The following PRIM2 variants were observed in gnomAD, a reference collection of about 807,000 sequenced individuals.
PRIM2 encodes the protein DNA primase large subunit.
Under a neutral mutation model 67.3 loss-of-function variants are expected in PRIM2, and 39 were observed. The ratio of observed to expected loss-of-function variants is 0.58; its 90% CI spans 0.45 to 0.76. The LOEUF (loss-of-function observed/expected upper bound fraction) is 0.76. PRIM2 is among the 30% of genes least tolerant of loss of function. PRIM2 has a pLI of 0.00. For missense variants in PRIM2, 398 were observed against 598.7 expected (o/e 0.66, Z 3.50); for synonymous variants, 143 against 198.7 (o/e 0.72, Z 2.36).
intron 10 of PRIM2, among the ~76,000 whole-genome samples, chr6:57,558,310 A>AT (rs1775558293): frequency 6.6e-6 from 1 of 152,222 alleles, no homozygotes; most frequent in South Asian, 2.1e-4. Flanking sequence ...TAGGAGGACA[A>AT]GCTCAAGAGT....
chr6:57,527,424 T>C (rs1407368425), intron 8 of PRIM2, among the ~76,000 whole-genome samples: 1 of 152,198 alleles, frequency 6.6e-6, no homozygotes, highest in African/African-American at 2.4e-5. Flanking sequence ...TCCATTCTTT[T>C]CCAGAAAATT....
intron 7 of PRIM2, among the ~76,000 whole-genome samples, chr6:57,480,885 C>T (rs1581944508): frequency 2.6e-5 from 4 of 152,184 alleles, no homozygotes; most frequent in East Asian, 3.8e-4. Context: ...CTCTGCCTCC[C>T]GAAGTGCTGA....
At chr6:57,335,534 C>T (rs978378786) in intron 5 of PRIM2, among the ~76,000 whole-genome samples, 1 of 152,214 alleles carries the variant, frequency 6.6e-6, no homozygotes, top group Non-Finnish European at 1.5e-5. Flanking sequence ...CAGACTGCCT[C>T]CTCAAGTGGG....
At chr6:57,501,429 A>G (rs1390704197) in intron 7 of PRIM2, among the ~76,000 whole-genome samples, 1 of 151,998 alleles carries the variant, frequency 6.6e-6, no homozygotes, top group Non-Finnish European at 1.5e-5. Context: ...CCTCCTGAGT[A>G]GCTGGGATTA....
At chr6:57,619,556 A>G (rs1182740038) in intron 12 of PRIM2, among the ~76,000 whole-genome samples, 1 of 152,182 alleles carries the variant, frequency 6.6e-6, no homozygotes, top group Admixed American at 6.5e-5. Context: ...AATGAAATAG[A>G]TAGCTAAAAG....
chr6:57,241,556 T>C, the PRIM2 span, among the ~76,000 whole-genome samples: 1 of 150,364 alleles, frequency 6.7e-6, no homozygotes, highest in South Asian at 2.1e-4. Context: ...TTAGCAAGGA[T>C]AGAAATGGCT....
chr6:57,369,573 G>C (rs6915309), intron 5 of PRIM2, among the ~76,000 whole-genome samples: 1 of 152,202 alleles, frequency 6.6e-6, no homozygotes, highest in Admixed American at 6.5e-5. Flanking sequence ...CAGAGTCTCT[G>C]TTGATTGGAC....
intron 12 of PRIM2, among the ~76,000 whole-genome samples, chr6:57,610,101 C>G (rs1284005457): frequency 2.6e-5 from 4 of 152,132 alleles, no homozygotes; most frequent in Admixed American, 6.5e-5. Flanking sequence ...CAGAGTCTTG[C>G]TCTGTCTTCC....
intron 10 of PRIM2, among the ~76,000 whole-genome samples, chr6:57,593,402 A>C (rs1225443230): frequency 6.6e-6 from 1 of 151,910 alleles, no homozygotes; most frequent in Non-Finnish European, 1.5e-5. Flanking sequence ...TCCCGGGTTC[A>C]AGTGACTCTC....
Position 57,484,118 on chromosome 6 carries a change from G to T in PRIM2, c.694-23269G>T, listed in dbSNP as rs1383643704. On this transcript the variant is annotated intron_variant, in intron 7 of 13. Coordinates refer to ENST00000615550, the MANE Select transcript of PRIM2 (RefSeq NM_000947.5). ...ATTTCTATGGGATTTTGGTTACTATGTATAGCTAAAATTTATTTACTTTAT... is the reference window on the plus strand; with the variant it reads ...ATTTCTATGGGATTTTGGTTACTATTTATAGCTAAAATTTATTTACTTTAT... Among the ~76,000 whole-genome samples the T allele has an allele frequency of 1.2e-3, 189 of 152,294 alleles. 5 individuals are homozygous for T. The East Asian group carries it at 0.016, about 13-fold the overall frequency.
intron 9 of PRIM2, among the ~76,000 whole-genome samples, chr6:57,536,982 T>A (rs1775014883): frequency 6.6e-6 from 1 of 152,170 alleles, no homozygotes; most frequent in African/African-American, 2.4e-5. Flanking sequence ...AGTAAGTGCA[T>A]GAGTACAACT....
At chr6:57,606,542 C>G (rs1776566077) in intron 12 of PRIM2, 85 bp downstream of exon 12, 5 of 1,018,232 alleles carry the variant, frequency 4.9e-6, no homozygotes, top group Admixed American at 4.0e-5. Context: ...TGCAGTGATG[C>G]TGTGTACTAC....
At chr6:57,326,172 C>A in intron 5 of PRIM2, 127 bp downstream of exon 5, 2 of 1,015,912 alleles carry the variant, frequency 2.0e-6, no homozygotes, top group Non-Finnish European at 2.8e-6. Context: ...GAAACAGTAG[C>A]TAATAGCTTT....
At chr6:57,340,615 C>A (rs1006910739) in intron 5 of PRIM2, among the ~76,000 whole-genome samples, 61 of 152,046 alleles carry the variant, frequency 4.0e-4, no homozygotes, top group Non-Finnish European at 7.8e-4. Context: ...AACAAAAAAC[C>A]AAACACCACA....
intron 7 of PRIM2, among the ~76,000 whole-genome samples, chr6:57,426,824 A>T (rs1581893782): frequency 6.6e-6 from 1 of 152,252 alleles, no homozygotes; most frequent in African/African-American, 2.4e-5. Flanking sequence ...CTCCTTGGCT[A>T]AAGTAGAAAT....
At chr6:57,479,604 G>A (rs1279526279) in intron 7 of PRIM2, among the ~76,000 whole-genome samples, 1 of 152,162 alleles carries the variant, frequency 6.6e-6, no homozygotes, top group Non-Finnish European at 1.5e-5. Flanking sequence ...GAGGGAAAAG[G>A]TTTGCTCTCT....
At chr6:57,382,375 T>C (rs571899492) in intron 7 of PRIM2, 2 of 477,770 alleles carry the variant, frequency 4.2e-6, no homozygotes, top group African/African-American at 2.0e-5. Context: ...GTTTTTTTTC[T>C]TGATCCTACT....
intron 5 of PRIM2, among the ~76,000 whole-genome samples, chr6:57,343,815 C>G (rs1768580264): frequency 6.6e-6 from 1 of 151,958 alleles, no homozygotes; most frequent in Non-Finnish European, 1.5e-5. Flanking sequence ...TTCAAAGGGG[C>G]TACTATAATA....
chr6:57,610,723 G>A (rs1776652755), intron 12 of PRIM2, among the ~76,000 whole-genome samples: 1 of 151,996 alleles, frequency 6.6e-6, no homozygotes, highest in Admixed American at 6.5e-5. Context: ...ATTAATAATA[G>A]AGAACTGAAA....
Sources: gnomAD v4.1 joint callset for allele counts (sites outside exome capture counted in the v4.1 genomes callset) on GRCh38, gnomAD v4.1.1 for gene constraint, MANE v1.5 for transcripts, NCBI Gene and HGNC (gene_info 2026-07-23, HGNC 2026-07-21) for gene names.